Variants in CACNA2D3 observed in about 807,000 individuals in gnomAD.
CACNA2D3 encodes voltage-dependent calcium channel subunit alpha-2/delta-3.
In CACNA2D3, 60 loss-of-function variants were observed where a neutral mutation model predicts 160.6. The observed-to-expected ratio is 0.37, with a 90% CI of 0.30 to 0.46. The LOEUF is 0.46. CACNA2D3 is among the 20% of genes least tolerant of loss of function. The pLI is 1.00. For synonymous variants in CACNA2D3, 558 were observed against 492.9 expected, an observed-to-expected ratio of 1.13 and a Z score of -1.75; for missense variants, 1,205 against 1,365.0, an observed-to-expected ratio of 0.88 and a Z score of 1.85.
At chr3:54,378,341 C>T (rs1699044238) in intron 3 of CACNA2D3, among the ~76,000 whole-genome samples, 1 of 152,186 alleles carries the variant, frequency 6.6e-6, no homozygotes, top group African/African-American at 2.4e-5. Flanking sequence ...AGAGTTCATG[C>T]TCCTATGAGA....
chr3:55,012,069 C>T (rs1247021882), intron 34 of CACNA2D3, among the ~76,000 whole-genome samples: 9 of 152,194 alleles, frequency 5.9e-5, no homozygotes, highest in Non-Finnish European at 7.3e-5. Flanking sequence ...TCTGAGAGGC[C>T]GGAGCGGCTT....
intron 13 of CACNA2D3, among the ~76,000 whole-genome samples, chr3:54,780,738 G>T (rs1702517261): frequency 6.6e-6 from 1 of 152,176 alleles, no homozygotes; most frequent in African/African-American, 2.4e-5. Flanking sequence ...TGATAGAATG[G>T]TAGTGAGTTT....
intron 2 of CACNA2D3, among the ~76,000 whole-genome samples, chr3:54,242,555 G>A (rs915854504): frequency 2.6e-5 from 4 of 152,070 alleles, no homozygotes; most frequent in Non-Finnish European, 4.4e-5. Context: ...ATAAAATAAG[G>A]GTTACTTGAA....
intron 6 of CACNA2D3, among the ~76,000 whole-genome samples, chr3:54,564,163 C>T (rs990265739): frequency 6.6e-6 from 1 of 152,108 alleles, no homozygotes; most frequent in Non-Finnish European, 1.5e-5. Context: ...CCAACCGTCT[C>T]GCTATGCGGC....
At chr3:54,389,672 CTG>C (rs1699247775) in intron 4 of CACNA2D3, among the ~76,000 whole-genome samples, 1 of 152,276 alleles carries the variant, frequency 6.6e-6, no homozygotes, top group African/African-American at 2.4e-5. Context: ...TGTAGCCTGA[CTG>C]TAATCATGAT....
At chr3:54,459,627 T>G (rs1439988673) in intron 4 of CACNA2D3, among the ~76,000 whole-genome samples, 1 of 152,074 alleles carries the variant, frequency 6.6e-6, no homozygotes, top group African/African-American at 2.4e-5. Context: ...TTGTTTGTTT[T>G]TTTCTTGTAA....
intron 10 of CACNA2D3, among the ~76,000 whole-genome samples, chr3:54,634,898 G>A (rs1405869178): frequency 1.3e-5 from 2 of 152,034 alleles, no homozygotes; most frequent in African/African-American, 4.8e-5. Flanking sequence ...AGGTCACAGG[G>A]GATGCAATGG....
chr3:54,287,489 AC>A (rs1321018716), intron 2 of CACNA2D3, among the ~76,000 whole-genome samples: 1 of 150,324 alleles, frequency 6.7e-6, no homozygotes, highest in Non-Finnish European at 1.5e-5. Flanking sequence ...AGACTTTAAC[AC>A]CCCACTGTCA....
intron 34 of CACNA2D3, 25 bp from the exon 35 acceptor site, chr3:55,018,181 T>G (rs758637113): frequency 7.0e-7 from 1 of 1,418,944 alleles, no homozygotes. Context: ...ATTCTTTACC[T>G]TTTTTTTTCC....
intron 11 of CACNA2D3, among the ~76,000 whole-genome samples, chr3:54,663,795 G>T (rs1196724848): frequency 1.3e-5 from 2 of 152,190 alleles, no homozygotes; most frequent in Non-Finnish European, 2.9e-5. Context: ...GAGGACTGGG[G>T]CTTGGATGTG....
intron 4 of CACNA2D3, among the ~76,000 whole-genome samples, chr3:54,460,089 T>C (rs1235628114): frequency 8.1e-5 from 12 of 148,484 alleles, no homozygotes; most frequent in South Asian, 2.2e-4. Flanking sequence ...GTTGTAGATA[T>C]GCGGCATTAT....
intron 2 of CACNA2D3, among the ~76,000 whole-genome samples, chr3:54,193,723 G>T (rs1329323923): frequency 6.6e-6 from 1 of 152,198 alleles, no homozygotes; most frequent in Admixed American, 6.5e-5. Flanking sequence ...TGAGTTTGTT[G>T]CAGGAAGAAT....
chr3:54,907,253 C>T (rs1451325593), intron 27 of CACNA2D3, among the ~76,000 whole-genome samples: 1 of 152,116 alleles, frequency 6.6e-6, no homozygotes, highest in African/African-American at 2.4e-5. Context: ...CAGGCCATCC[C>T]CTTCCCCAGG....
At chr3:54,466,608 GTTAC>G (rs919200873) in intron 4 of CACNA2D3, among the ~76,000 whole-genome samples, 7 of 152,094 alleles carry the variant, frequency 4.6e-5, no homozygotes, top group African/African-American at 1.7e-4. Context: ...GGGCAACAAA[GTTAC>G]TTACTTTTTT....
At chr3:54,521,030 G>C (rs568199517) in intron 5 of CACNA2D3, among the ~76,000 whole-genome samples, 1 of 88,358 alleles carries the variant, frequency 1.1e-5, no homozygotes, top group Non-Finnish European at 2.6e-5. Context: ...CACTTGGGTT[G>C]CTACTAACTT....
intron 11 of CACNA2D3, among the ~76,000 whole-genome samples, chr3:54,695,394 CTT>C (rs540931864): frequency 7.0e-6 from 1 of 143,464 alleles, no homozygotes. Context: ...TTTCTTGTTG[CTT>C]TTTTTTTTTA....
chr3:54,604,792 C>T (rs150914511), intron 9 of CACNA2D3, among the ~76,000 whole-genome samples: 215 of 152,208 alleles, frequency 1.4e-3, no homozygotes, highest in African/African-American at 4.4e-3. Flanking sequence ...CTATTCTCCA[C>T]GCAAGAGACA....
At chr3:55,071,485 C>A (rs951488502) in intron 35 of CACNA2D3, among the ~76,000 whole-genome samples, 8 of 152,088 alleles carry the variant, frequency 5.3e-5, no homozygotes, top group Admixed American at 5.2e-4. Context: ...CTATAAATAT[C>A]TACAGAGATT....
Position 54,123,444 on chromosome 3 carries a change from TGTGCGTGTGC to T in CACNA2D3, c.123-60_123-51del. 7.1e-6 allele frequency: 7 copies of T among 980,252 alleles called. No homozygotes were observed. In the Admixed American group the frequency reaches 8.4e-5, roughly 12 times the overall value. The allele number at this position is 980,252 out of a possible 1,614,324, so 60.7% of individuals were successfully genotyped here. ...CTTCAGCCATAGTCCCATGTGTGCGTGTGCGTGTGCGTGCGTGTTGACTGTGACACGGGTG... is the reference window on the plus strand; with the variant it reads ...CTTCAGCCATAGTCCCATGTGTGCGTGTGCGTGTTGACTGTGACACGGGTG... On this transcript the variant is annotated intron_variant, in intron 1 of 37. Coordinates refer to ENST00000474759, the MANE Select transcript of CACNA2D3 (RefSeq NM_018398.3).
Sources: gnomAD v4.1 joint callset for allele counts (sites outside exome capture counted in the v4.1 genomes callset) on GRCh38, gnomAD v4.1.1 for gene constraint, MANE v1.5 for transcripts, NCBI Gene and HGNC (gene_info 2026-07-23, HGNC 2026-07-21) for gene names.